Variants in CPNE4 observed in about 807,000 individuals in gnomAD.
CPNE4 encodes the protein copine 4.
In CPNE4, 25 loss-of-function variants were observed where a neutral mutation model predicts 67.9. The ratio of observed to expected loss-of-function variants is 0.37; its 90% CI spans 0.27 to 0.51. The LOEUF (loss-of-function observed/expected upper bound fraction) is 0.51. CPNE4 is among the 20% of genes least tolerant of loss of function. The pLI is 0.93. For missense variants in CPNE4, 464 were observed against 690.8 expected, an observed-to-expected ratio of 0.67 and a Z score of 3.68; for synonymous variants, 242 against 244.9, an observed-to-expected ratio of 0.99 and a Z score of 0.11.
At chr3:131,963,340 C>G (rs573877573) in intron 1 of CPNE4, among the ~76,000 whole-genome samples, 1 of 151,886 alleles carries the variant, frequency 6.6e-6, no homozygotes, top group African/African-American at 2.4e-5. Context: ...GAGCTAGCTG[C>G]AGTTTTTTTT....
At chr3:131,672,210 TTTC>T (rs2080436995) in intron 6 of CPNE4, among the ~76,000 whole-genome samples, 2 of 152,302 alleles carry the variant, frequency 1.3e-5, no homozygotes, top group South Asian at 2.1e-4. Context: ...TGTGCCACAT[TTTC>T]TTTATTCATT....
At chr3:131,792,658 CACGT>C (rs1560321913) in intron 2 of CPNE4, among the ~76,000 whole-genome samples, 118 of 56,058 alleles carry the variant, frequency 2.1e-3, no homozygotes, top group African/African-American at 8.2e-3. Flanking sequence ...TATATATACA[CACGT>C]GTATATATAC....
At chr3:131,822,258 T>C (rs2084988729) in intron 2 of CPNE4, among the ~76,000 whole-genome samples, 2 of 152,200 alleles carry the variant, frequency 1.3e-5, no homozygotes, top group Non-Finnish European at 2.9e-5. Flanking sequence ...AGACTGCTTT[T>C]ATAGGATTTG....
chr3:131,708,461 T>C (rs1166865621), intron 3 of CPNE4, among the ~76,000 whole-genome samples: 1 of 151,980 alleles, frequency 6.6e-6, no homozygotes, highest in African/African-American at 2.4e-5. Context: ...TCTCCAAGTA[T>C]AGATGATAAA....
intron 2 of CPNE4, among the ~76,000 whole-genome samples, chr3:131,803,503 G>A (rs1271672751): frequency 6.6e-6 from 1 of 152,156 alleles, no homozygotes; most frequent in Non-Finnish European, 1.5e-5. Context: ...AGATATTCAG[G>A]TAAGAATACT....
intron 2 of CPNE4, among the ~76,000 whole-genome samples, chr3:131,778,370 T>C (rs1438685741): frequency 2.0e-5 from 3 of 151,992 alleles, no homozygotes; most frequent in African/African-American, 2.4e-5. Context: ...GGAGAGAGTA[T>C]AGATTTGGAG....
chr3:131,781,748 G>C (rs949954358), intron 2 of CPNE4, among the ~76,000 whole-genome samples: 5 of 152,098 alleles, frequency 3.3e-5, no homozygotes, highest in African/African-American at 1.2e-4. Context: ...TCTAATTTAA[G>C]CCAGAAAGCT....
At chr3:131,993,701 A>C (rs1393889611) in intron 1 of CPNE4, among the ~76,000 whole-genome samples, 1 of 135,474 alleles carries the variant, frequency 7.4e-6, no homozygotes, top group Non-Finnish European at 1.7e-5. Context: ...AAGATGTGTT[A>C]ATAGGTAATG....
At chr3:131,808,611 A>C (rs2084411202) in intron 2 of CPNE4, among the ~76,000 whole-genome samples, 1 of 152,202 alleles carries the variant, frequency 6.6e-6, no homozygotes. Flanking sequence ...TTGAATTTTC[A>C]AAAAATAAGC....
chr3:131,673,961 C>T (rs1047198870), intron 6 of CPNE4, among the ~76,000 whole-genome samples: 1 of 151,822 alleles, frequency 6.6e-6, no homozygotes, highest in Non-Finnish European at 1.5e-5. Flanking sequence ...TTGTATATGG[C>T]TTTTGTTGTG....
At chr3:131,788,136 T>C (rs1205028928) in intron 2 of CPNE4, among the ~76,000 whole-genome samples, 1 of 152,016 alleles carries the variant, frequency 6.6e-6, no homozygotes, top group Admixed American at 6.6e-5. Context: ...CAAAAGAAAT[T>C]CATAGTTTTC....
intron 3 of CPNE4, among the ~76,000 whole-genome samples, chr3:131,702,940 C>G (rs932031332): frequency 6.6e-6 from 1 of 152,156 alleles, no homozygotes; most frequent in Non-Finnish European, 1.5e-5. Flanking sequence ...TTTACAGCCT[C>G]GAGGTTTCCA....
intron 2 of CPNE4, among the ~76,000 whole-genome samples, chr3:131,879,894 C>G (rs1317410012): frequency 1.3e-5 from 2 of 152,004 alleles, no homozygotes; most frequent in Non-Finnish European, 2.9e-5. Context: ...GACTCATTAC[C>G]AAAGATCTAC....
chr3:132,032,239 C>G (rs999680210), intron 1 of CPNE4, among the ~76,000 whole-genome samples: 1 of 152,192 alleles, frequency 6.6e-6, no homozygotes, highest in Non-Finnish European at 1.5e-5. Flanking sequence ...ACTGGGAAGT[C>G]ACTGTACCGC....
chr3:131,572,398 G>T (rs545568659), intron 10 of CPNE4, among the ~76,000 whole-genome samples: 3 of 152,062 alleles, frequency 2.0e-5, no homozygotes, highest in Non-Finnish European at 4.4e-5. Flanking sequence ...GTGACCTTCT[G>T]TCAGGAAGAA....
chr3:131,675,337 G>A (rs1355973184), intron 6 of CPNE4, among the ~76,000 whole-genome samples: 1 of 152,098 alleles, frequency 6.6e-6, no homozygotes, highest in Non-Finnish European at 1.5e-5. Flanking sequence ...TTTGGCCTAT[G>A]GTGTAGATGA....
At chr3:131,719,565 C>T (rs1202630586) in intron 3 of CPNE4, among the ~76,000 whole-genome samples, 1 of 152,208 alleles carries the variant, frequency 6.6e-6, no homozygotes, top group African/African-American at 2.4e-5. Context: ...GCCTGTCCTT[C>T]TTTTTAGTTC....
intron 7 of CPNE4, among the ~76,000 whole-genome samples, chr3:131,646,776 G>C (rs1366951251): frequency 2.0e-5 from 3 of 152,192 alleles, no homozygotes; most frequent in East Asian, 1.9e-4. Context: ...CAAATGAGCT[G>C]GTTGAAGAAA....
intron 3 of CPNE4, 150 bp from the exon 4 acceptor site, chr3:131,700,130 G>A (rs2081261786): frequency 3.7e-6 from 2 of 538,438 alleles, no homozygotes; most frequent in Admixed American, 3.6e-5. Context: ...GTTTGTCAAT[G>A]AGCCTCTCCT....
Sources: gnomAD v4.1 joint callset for allele counts (sites outside exome capture counted in the v4.1 genomes callset) on GRCh38, gnomAD v4.1.1 for gene constraint, MANE v1.5 for transcripts, NCBI Gene and HGNC (gene_info 2026-07-23, HGNC 2026-07-21) for gene names.